The following SMARCA4 variants were observed in gnomAD, a reference collection of about 807,000 sequenced individuals.
The protein encoded by SMARCA4 is SWI/SNF related BAF chromatin remodeling complex subunit ATPase 4.
SMARCA4 carries 31 observed loss-of-function variants against 193.9 expected under a neutral mutation model. The ratio of observed to expected loss-of-function variants is 0.16; its 90% CI spans 0.12 to 0.22. The LOEUF is 0.22. Ranked by LOEUF, SMARCA4 falls within the 10% of genes least tolerant of loss-of-function variation. The pLI is 1.00. For synonymous variants in SMARCA4, 942 were observed against 933.1 expected (o/e 1.01, Z -0.17); for missense variants, 1,148 against 2,296.0 (o/e 0.50, Z 10.22).
chr19:11,011,072 C>G (rs968040965), intron 15 of SMARCA4: 1 of 211,274 alleles, frequency 4.7e-6, no homozygotes, highest in African/African-American at 2.3e-5. Context: ...TGAAGCTCTT[C>G]ACCTGGGCCT....
rs777295398 is a variant in SMARCA4, at chr19:10,994,825, C to T, written c.1420-3C>T. On this transcript the variant is annotated splice_polypyrimidine_tract_variant and splice_region_variant and intron_variant, in intron 8 of 34. Transcript: ENST00000344626. ...CAGCCTTCTCTTTTGTGCTTTCCTG[C>T]AGGAATACCTCAATAGCATTCTCCA... The T allele has an allele frequency of 3.1e-6, 5 of 1,613,598 alleles. No homozygotes were observed. The highest frequency in any genetic ancestry group is 3.3e-5 in the Admixed American group (2 of 60,000).
chr19:11,019,662 G>A lies in SMARCA4; in HGVS notation c.2577G>A (p.Thr859=), dbSNP rs768936814. 13 of 1,613,566 alleles carry A rather than the reference G, an allele frequency of 8.1e-6. No individual in the cohort carries two copies. Among genetic ancestry groups the A allele is most frequent in the Middle Eastern group, 1.6e-4 (1 of 6,084 alleles). Residue 859 remains threonine (T), a synonymous_variant, in exon 18 of 35, where the codon ACG becomes ACA. Coordinates refer to ENST00000344626, the MANE Select transcript of SMARCA4 (RefSeq NM_003072.5). This position sits in a 1 kb window ranked among gnomAD's most constrained non-coding sequence, Gnocchi z 6.1. The part of the protein sequence containing the change: ...RSGKFNVLLT[T]YEYIIKDKHI... Reference sequence around the variant, plus strand: ...GGAAGTTCAACGTCTTGCTGACGACGTACGAGTACATCATCAAAGACAAGC... The same window carrying A: ...GGAAGTTCAACGTCTTGCTGACGACATACGAGTACATCATCAAAGACAAGC...
At chr19:11,049,562 G>A (rs917462158) in intron 30 of SMARCA4, among the ~76,000 whole-genome samples, 11 of 150,178 alleles carry the variant, frequency 7.3e-5, no homozygotes, top group Non-Finnish European at 4.4e-5. Flanking sequence ...TTGGCTCACT[G>A]CAACCTCTGC....
chr19:11,056,985 C>T (rs946142434), intron 30 of SMARCA4, among the ~76,000 whole-genome samples: 2 of 152,240 alleles, frequency 1.3e-5, no homozygotes, highest in African/African-American at 2.4e-5. Flanking sequence ...GGCGGGCTGC[C>T]CTGCCCTCTG....
In SMARCA4 at chr19:11,062,205, C is replaced by T. The variant is rs1157671167; in HGVS notation, c.*389C>T. On this transcript the variant is annotated 3_prime_UTR_variant, in exon 35 of 35. Transcript: ENST00000344626. ...ATTTTATTGGACAGGTCAGACTCGCCGGGGGCCCGGCGAGGGTATGTCAGT... is the reference window on the plus strand; with the variant it reads ...ATTTTATTGGACAGGTCAGACTCGCTGGGGGCCCGGCGAGGGTATGTCAGT... 3 of 306,918 alleles carry T rather than the reference C, an allele frequency of 9.8e-6. No homozygotes were observed. Among genetic ancestry groups the T allele is most frequent in the East Asian group, 1.0e-4 (2 of 19,790 alleles). 19.0% of individuals were successfully genotyped at this position (306,918 alleles called of 1,614,324 possible). A position where few individuals can be genotyped will look rare whatever the true frequency, so the allele number is the denominator to read the frequency against.
intron 30 of SMARCA4, chr19:11,047,941 G>A (rs964601214): frequency 2.0e-5 from 3 of 152,182 alleles, no homozygotes; most frequent in African/African-American, 7.2e-5. Flanking sequence ...CTCATTTGGG[G>A]CGAAGTTACA....
chr19:11,003,190 G>A (rs2146101177), intron 12 of SMARCA4, 31 bp downstream of exon 12: 1 of 1,613,772 alleles, frequency 6.2e-7, no homozygotes, highest in South Asian at 1.1e-5. Context: ...CAGATGCAGT[G>A]GGGATCCAAG....
chr19:10,967,684 G>GT (rs2084334186), intron 1 of SMARCA4, among the ~76,000 whole-genome samples: 1 of 129,498 alleles, frequency 7.7e-6, no homozygotes, highest in African/African-American at 2.9e-5. Context: ...TCAAATGTGT[G>GT]GTTTTTTTTT....
At chr19:11,006,586 A>T (rs1409883539) in intron 13 of SMARCA4, among the ~76,000 whole-genome samples, 1 of 152,136 alleles carries the variant, frequency 6.6e-6, no homozygotes. Flanking sequence ...CCCCGTCTCT[A>T]CTAAAAAATA....
At chr19:10,964,637 T>C (rs1209147564) in intron 1 of SMARCA4, among the ~76,000 whole-genome samples, 4 of 146,870 alleles carry the variant, frequency 2.7e-5, no homozygotes, top group African/African-American at 5.1e-5. Context: ...TTTTTTCTTA[T>C]GAGACAGAGT....
At chr19:10,963,469 TCCAAGCCATTGTTTCCTGAACC>T (rs1246581392) in intron 1 of SMARCA4, among the ~76,000 whole-genome samples, 2 of 152,056 alleles carry the variant, frequency 1.3e-5, no homozygotes, top group African/African-American at 4.8e-5. Context: ...TTTTGCACTT[TCCAAGCCATTGTTTCCTGAACC>T]TCAGTTGTCC....
intron 29 of SMARCA4, chr19:11,040,759 A>T (rs964999552): frequency 5.3e-5 from 8 of 152,196 alleles, no homozygotes; most frequent in African/African-American, 1.5e-4. Context: ...TCTACAAAAA[A>T]TTTTTTTAAT....
At chr19:11,059,729 C>T (rs764988745) in intron 32 of SMARCA4, 24 bp from the exon 33 acceptor site, 17 of 1,554,184 alleles carry the variant, frequency 1.1e-5, no homozygotes, top group Non-Finnish European at 1.2e-5. Context: ...CCCATCCACT[C>T]AAGCCCCTGG....
intron 1 of SMARCA4, among the ~76,000 whole-genome samples, chr19:10,983,222 C>T (rs1444233611): frequency 1.1e-4 from 16 of 152,142 alleles, no homozygotes; most frequent in Admixed American, 1.0e-3. Context: ...GAGGACATCC[C>T]CTTATGCATA....
chr19:10,966,534 G>C (rs1174779878), intron 1 of SMARCA4, among the ~76,000 whole-genome samples: 1 of 152,088 alleles, frequency 6.6e-6, no homozygotes, highest in Non-Finnish European at 1.5e-5. Flanking sequence ...GCTGCAGTAA[G>C]CTGTGATCGC....
intron 13 of SMARCA4, among the ~76,000 whole-genome samples, chr19:11,005,737 C>T (rs2088139451): frequency 6.6e-6 from 1 of 152,172 alleles, no homozygotes; most frequent in South Asian, 2.1e-4. Context: ...GTTCATGTGT[C>T]CAGAGCTGAG....
chr19:11,053,263 C>T (rs1428667123), intron 30 of SMARCA4, among the ~76,000 whole-genome samples: 1 of 152,072 alleles, frequency 6.6e-6, no homozygotes, highest in Non-Finnish European at 1.5e-5. Flanking sequence ...GCTGGCGAAT[C>T]GCTGGAATTT....
chr19:10,994,768 G>A (rs1436990101), intron 8 of SMARCA4, 60 bp from the exon 9 acceptor site: 12 of 1,463,972 alleles, frequency 8.2e-6, no homozygotes, highest in South Asian at 4.6e-5. Context: ...CAAGCCTTGC[G>A]GGGAGATGTG....
At chr19:11,026,464 A>C in intron 23 of SMARCA4, 118 bp downstream of exon 23, 3 of 767,098 alleles carry the variant, frequency 3.9e-6, no homozygotes, top group Non-Finnish European at 7.0e-6. Context: ...AAAATTAGAA[A>C]ATACAGAAGA....
Sources: gnomAD v4.1 joint callset for allele counts (sites outside exome capture counted in the v4.1 genomes callset) on GRCh38, gnomAD v4.1.1 for gene constraint, Gnocchi (gnomAD v3.1) non-coding constraint, MANE v1.5 for transcripts, NCBI Gene and HGNC (gene_info 2026-07-23, HGNC 2026-07-21) for gene names.